The following GUSB variants were observed in gnomAD, a reference collection of about 807,000 sequenced individuals.
The protein encoded by GUSB is glucuronidase beta.
In GUSB, 51 loss-of-function variants were observed where a neutral mutation model predicts 74.6. The ratio of observed to expected loss-of-function variants is 0.68; its 90% CI spans 0.55 to 0.86. The LOEUF is 0.86. Ranked by LOEUF, GUSB falls within the 40% of genes least tolerant of loss-of-function variation. The pLI, the probability that GUSB is intolerant of heterozygous loss-of-function variation, is 0.00. For synonymous variants in GUSB, 360 were observed against 348.3 expected (o/e 1.03, Z -0.37); for missense variants, 736 against 853.7 (o/e 0.86, Z 1.72).
chr7:65,968,703 C>CA (rs1442728036), intron 9 of GUSB, among the ~76,000 whole-genome samples: 1 of 152,240 alleles, frequency 6.6e-6, no homozygotes, highest in Non-Finnish European at 1.5e-5. Context: ...TCTCATGCCT[C>CA]AGTCTCCCGA....
rs774336516 is a variant in GUSB, at chr7:65,960,906, C to G, written c.1947G>C (p.Leu649=). ...VAKSQCLENS[L]FT Reference sequence around the variant, plus strand: ...GTGGTATCAGTCTTGCTCAAGTAAACAGGCTGTTTTCCAAACATTGTGACT... The same window carrying G: ...GTGGTATCAGTCTTGCTCAAGTAAAGAGGCTGTTTTCCAAACATTGTGACT... Residue 649 remains leucine (L), a synonymous_variant, in exon 12 of 12, where the codon CTG becomes CTC. Coordinates refer to ENST00000304895, the MANE Select transcript of GUSB (RefSeq NM_000181.4). 6.2e-7 allele frequency: 1 copy of G among 1,613,704 alleles called. No homozygotes were observed. The highest frequency in any genetic ancestry group is 2.2e-5 in the East Asian group (1 of 44,862).
chr7:65,969,226 A>T (rs1423708570), intron 9 of GUSB, among the ~76,000 whole-genome samples: 1 of 152,070 alleles, frequency 6.6e-6, no homozygotes, highest in Non-Finnish European at 1.5e-5. Context: ...ACTAAAAAAT[A>T]CAAAAATTAG....
chr7:65,978,177 C>T (rs556878638), intron 4 of GUSB, among the ~76,000 whole-genome samples: 4 of 152,266 alleles, frequency 2.6e-5, no homozygotes, highest in Admixed American at 1.3e-4. Context: ...ACAGACCGAG[C>T]GCTGTGGCTC....
intron 10 of GUSB, among the ~76,000 whole-genome samples, chr7:65,966,519 A>G (rs1382859472): frequency 6.6e-6 from 1 of 152,140 alleles, no homozygotes; most frequent in Non-Finnish European, 1.5e-5. Flanking sequence ...CAGGCTGGGC[A>G]TGGTGTCTCA....
intron 1 of GUSB, 108 bp from the exon 2 acceptor site, chr7:65,980,517 G>GGGA (rs1467223744): frequency 4.7e-5 from 47 of 996,252 alleles, no homozygotes; most frequent in Non-Finnish European, 5.7e-5. Flanking sequence ...ACACATAGCG[G>GGGA]GGATTCTTGG....
At position 65,974,452 on chromosome 7, in the gene GUSB, G is replaced by C. The variant is rs753108318; in HGVS notation, c.1245-11C>G. The C allele has an allele frequency of 1.2e-6, 2 of 1,614,208 alleles. No individual in the cohort carries two copies. The highest frequency in any genetic ancestry group is 4.5e-5 in the East Asian group (2 of 44,884). ...TTGTTGAAGAACTGCCTGCGGGCCA[G>C]GAGGGAAGGGACAGAGGGTCACGGT... On this transcript the variant is annotated splice_polypyrimidine_tract_variant and intron_variant, in intron 7 of 11. Transcript: ENST00000304895.
At position 65,974,622 on chromosome 7, in the gene GUSB, G is replaced by C; in HGVS notation, c.1148C>G (p.Thr383Ser). The C allele has an allele frequency of 6.2e-7, 1 of 1,614,074 alleles. No homozygotes were observed. Among genetic ancestry groups the C allele is most frequent in the East Asian group, 2.2e-5 (1 of 44,878 alleles). Residue 383 changes from threonine (T) to serine (S), a missense_variant, in exon 7 of 12, where the codon ACC becomes AGC. Around this residue, in one of 2 missense-constraint regions of GUSB, gnomAD observed 368 missense variants for 489.9 expected, o/e 0.75. Coordinates refer to ENST00000304895, the MANE Select transcript of GUSB (RefSeq NM_000181.4). Reference protein sequence around the residue: ...LRWLGANAFRTSHYPYAEEVM... With the variant: ...LRWLGANAFRSSHYPYAEEVM... ...TTCCTCTGCATAGGGGTAGTGGCTG[G>C]TACGGAAAGCGTTGGCACCAAGCCA...
rs771320756 is a variant in GUSB, at chr7:65,976,148, A to G, written c.779T>C (p.Val260Ala). 1.9e-6 allele frequency: 3 copies of G among 1,613,592 alleles called. No homozygotes were observed. Among genetic ancestry groups the G allele is most frequent in the Non-Finnish European group, 2.5e-6 (3 of 1,179,838 alleles). Residue 260 changes from valine (V) to alanine (A), a missense_variant, in exon 5 of 12, where the codon GTG (valine) becomes GCG (alanine). Coordinates refer to ENST00000304895, the MANE Select transcript of GUSB (RefSeq NM_000181.4). The stretch of plus-strand genomic sequence containing the variant: ...TTTGTTTTCTGCATCCAAAAGACGC[A>G]CTTCCAACTTGAACAGGTTACTGCC... ...VKGSNLFKLE[V>A]RLLDAENKVV...
At chr7:65,969,883 A>C (rs1791081217) in intron 9 of GUSB, among the ~76,000 whole-genome samples, 1 of 152,200 alleles carries the variant, frequency 6.6e-6, no homozygotes, top group Non-Finnish European at 1.5e-5. Flanking sequence ...GAAGTGCAAA[A>C]AATGCTGAGT....
At chr7:65,973,037 G>A (rs1484106184) in intron 8 of GUSB, among the ~76,000 whole-genome samples, 1 of 152,228 alleles carries the variant, frequency 6.6e-6, no homozygotes, top group Non-Finnish European at 1.5e-5. Context: ...ACGATTGTAA[G>A]GAAGAAAAGG....
intron 10 of GUSB, 111 bp from the exon 11 acceptor site, chr7:65,964,569 G>A: frequency 1.0e-6 from 1 of 953,258 alleles, no homozygotes; most frequent in African/African-American, 1.6e-5. Flanking sequence ...TTCACAGGGG[G>A]CTATAGTGAC....
At chr7:65,971,632 T>C (rs1791217595) in intron 8 of GUSB, among the ~76,000 whole-genome samples, 1 of 151,646 alleles carries the variant, frequency 6.6e-6, no homozygotes, top group Non-Finnish European at 1.5e-5. Flanking sequence ...CTCATGAGGC[T>C]GAGGCAGAAG....
chr7:65,981,755 G>C lies in GUSB; in HGVS notation c.210+219C>G, dbSNP rs910827471. 4 of 525,740 alleles carry C rather than the reference G, an allele frequency of 7.6e-6. No individual in the cohort carries two copies. The Admixed American group carries it at 1.3e-4, about 18-fold the overall frequency. 32.6% of individuals were successfully genotyped at this position (525,740 alleles called of 1,614,324 possible). On this transcript the variant is annotated intron_variant, in intron 1 of 11. Transcript: ENST00000304895. ...CAGCCTTTACCTCGGGAAAGGGCTCGGCAAGAGCCTTTTCTCCTCCTGCCT... is the reference window on the plus strand; with the variant it reads ...CAGCCTTTACCTCGGGAAAGGGCTCCGCAAGAGCCTTTTCTCCTCCTGCCT...
rs925844481 is a variant in GUSB, at chr7:65,974,507, G to A, written c.1244+19C>T. On this transcript the variant is annotated intron_variant, in intron 7 of 11. Transcript: ENST00000304895. ...CCCCCGGGCTGGGCAGGCGGAGCAG[G>A]TGCACAGCAGAGACTCACGGCAGCG... 3.1e-6 allele frequency: 5 copies of A among 1,613,968 alleles called. No homozygotes were observed. In the African/African-American group the frequency reaches 5.3e-5, roughly 17 times the overall value.
At chr7:65,974,835 GC>G in intron 6 of GUSB, 83 bp downstream of exon 6, 1 of 1,551,712 alleles carries the variant, frequency 6.4e-7, no homozygotes, top group East Asian at 2.2e-5. Context: ...GCCCTGAGCT[GC>G]CCTCAACTGC....
intron 4 of GUSB, among the ~76,000 whole-genome samples, chr7:65,978,092 G>T (rs922363109): frequency 2.0e-5 from 3 of 152,072 alleles, no homozygotes; most frequent in African/African-American, 7.2e-5. Flanking sequence ...TTACAGGCAT[G>T]AGCCACCGCG....
At chr7:65,980,178 C>A (rs1469716173) in intron 2 of GUSB, 46 bp downstream of exon 2, 2 of 769,862 alleles carry the variant, frequency 2.6e-6, no homozygotes, top group Non-Finnish European at 4.6e-6. Context: ...TGCTGTTCAG[C>A]AGCCGTGCCC....
At chr7:65,975,941 G>T in intron 5 of GUSB, 74 bp downstream of exon 5, 3 of 1,253,506 alleles carry the variant, frequency 2.4e-6, no homozygotes, top group Non-Finnish European at 2.3e-6. Context: ...CACCTGTCTT[G>T]GGCTCCTGCT....
intron 4 of GUSB, among the ~76,000 whole-genome samples, chr7:65,977,933 C>T (rs1791696184): frequency 6.6e-6 from 1 of 152,046 alleles, no homozygotes; most frequent in Non-Finnish European, 1.5e-5. Context: ...GCCTCAGCCT[C>T]CCGAGTCGCT....
Sources: gnomAD v4.1 joint callset for allele counts (sites outside exome capture counted in the v4.1 genomes callset) on GRCh38, gnomAD v4.1.1 for gene constraint, gnomAD v4.1.1 regional missense constraint, MANE v1.5 for transcripts, NCBI Gene and HGNC (gene_info 2026-07-23, HGNC 2026-07-21) for gene names.